SLC9C1: variants seen among roughly 807,000 people sequenced by gnomAD.
SLC9C1 encodes solute carrier family 9 member C1, also known as sodium/hydrogen exchanger 10.
Under a neutral mutation model 140.9 loss-of-function variants are expected in SLC9C1, and 97 were observed. The observed-to-expected ratio is 0.69, with a 90% CI of 0.58 to 0.82. The LOEUF is 0.82. Among genes scored for constraint, SLC9C1 ranks in the 40% least tolerant of loss-of-function variants. The probability of loss-of-function intolerance (pLI) is 0.00; values close to 1 mark genes in which losing one functional copy is unlikely to be tolerated. For synonymous variants in SLC9C1, 440 were observed against 442.6 expected (o/e 0.99, Z 0.07); for missense variants, 1,340 against 1,389.3 (o/e 0.96, Z 0.56).
intron 26 of SLC9C1, among the ~76,000 whole-genome samples, chr3:112,166,051 TC>T (rs36068427): frequency 0.4 from 60,860 of 152,018 alleles, 12,697 homozygotes; most frequent in East Asian, 0.62. Flanking sequence ...GGCTCCGTGG[TC>T]GTAGGACCCT....
intron 5 of SLC9C1, among the ~76,000 whole-genome samples, chr3:112,276,955 C>A (rs1576507140): frequency 1.3e-5 from 2 of 152,168 alleles, no homozygotes; most frequent in East Asian, 3.9e-4. Context: ...ATAGCTATTT[C>A]CCCTTTAATT....
At chr3:112,193,092 T>A (rs1467688752) in intron 20 of SLC9C1, among the ~76,000 whole-genome samples, 3 of 152,208 alleles carry the variant, frequency 2.0e-5, no homozygotes, top group African/African-American at 7.2e-5. Flanking sequence ...TTGTTCCAAC[T>A]GGAATCCATA....
chr3:112,209,040 T>C (rs575032941), intron 15 of SLC9C1, among the ~76,000 whole-genome samples: 1 of 152,214 alleles, frequency 6.6e-6, no homozygotes, highest in Non-Finnish European at 1.5e-5. Context: ...AGATTTACTT[T>C]AATATTTTAA....
At chr3:112,167,438 G>T in intron 25 of SLC9C1, 91 bp from the exon 26 acceptor site, 1 of 1,293,758 alleles carries the variant, frequency 7.7e-7, no homozygotes, top group East Asian at 2.6e-5. Flanking sequence ...GCTTTCTCTA[G>T]GTATCTGGGA....
intron 20 of SLC9C1, among the ~76,000 whole-genome samples, chr3:112,195,420 TAG>T (rs2077749045): frequency 6.6e-6 from 1 of 152,160 alleles, no homozygotes; most frequent in African/African-American, 2.4e-5. Flanking sequence ...TGTCTTTGAT[TAG>T]AGAGTTTAAT....
chr3:112,266,803 C>T (rs1010676031), intron 7 of SLC9C1, among the ~76,000 whole-genome samples: 5 of 152,110 alleles, frequency 3.3e-5, no homozygotes, highest in East Asian at 1.9e-4. Flanking sequence ...ATTCATACTT[C>T]GACTATTTCT....
In SLC9C1 at chr3:112,278,766, T is replaced by G. The variant is rs1288550440; in HGVS notation, c.281A>C (p.Asp94Ala). ...CTTTTGAAGCATGTACGTATCCATGTCAAATGCAGTAGTAAAGAAAACTAC... is the reference window on the plus strand; with the variant it reads ...CTTTTGAAGCATGTACGTATCCATGGCAAATGCAGTAGTAAAGAAAACTAC... ...TPVVFFTTAF[D>A]MDTYMLQKLF... The change falls in exon 4 of 29, where the codon GAC becomes GCC. Residue 94 changes from aspartate (D) to alanine (A), a missense_variant. Coordinates refer to ENST00000305815, the MANE Select transcript of SLC9C1 (RefSeq NM_183061.3). 4 of 1,610,672 alleles carry G rather than the reference T, an allele frequency of 2.5e-6. No homozygotes were observed. Among genetic ancestry groups the G allele is most frequent in the Non-Finnish European group, 3.4e-6 (4 of 1,178,644 alleles).
Position 112,204,228 on chromosome 3 carries a change from C to G in SLC9C1, c.2162G>C (p.Arg721Pro). The G allele has an allele frequency of 2.0e-6, 3 of 1,489,616 alleles. No individual in the cohort carries two copies. The highest frequency in any genetic ancestry group is 2.7e-6 in the Non-Finnish European group (3 of 1,125,736). 92.3% of individuals were successfully genotyped at this position (1,489,616 alleles called of 1,614,324 possible). The part of the protein sequence containing the change: ...IKVVQFFRIL[R>P]IFKLIAPKLL... ...TTACTGGTTCTTTACCTTGAAAATG[C>G]GTAGTATACGAAAAAATTGAACAAC... The change falls in exon 17 of 29, where the codon CGC (arginine) becomes CCC (proline). Residue 721 changes from arginine (R) to proline (P), a missense_variant. Physicochemically the swap from Arg to Pro is moderately radical, Grantham distance 103 (BLOSUM62 -2). Transcript: ENST00000305815.
chr3:112,234,612 T>C (rs1381668926), intron 12 of SLC9C1, among the ~76,000 whole-genome samples: 1 of 152,202 alleles, frequency 6.6e-6, no homozygotes. Context: ...TGGTTTTAGG[T>C]CTAACATTTA....
rs184302997 is a variant in SLC9C1, at chr3:112,166,286, C to T, written c.3364+935G>A. On this transcript the variant is annotated intron_variant, in intron 26 of 28. Transcript: ENST00000305815. ...CGCTGCACCCACTGTCCTGCACCCA[C>T]TTTCTGACACTCCCCAGTGAGATGA... 7.1e-4 allele frequency among the ~76,000 whole-genome samples: 108 copies of T among 152,376 alleles called. 1 individual carries two copies. The East Asian group carries it at 0.018, about 25-fold the overall frequency.
chr3:112,283,187 C>T (rs1286420461), intron 2 of SLC9C1, among the ~76,000 whole-genome samples: 3 of 152,100 alleles, frequency 2.0e-5, no homozygotes, highest in African/African-American at 7.2e-5. Flanking sequence ...GATCTGAATT[C>T]CCAAAAGAAT....
At chr3:112,147,624 C>A in intron 28 of SLC9C1, 1 of 271,438 alleles carries the variant, frequency 3.7e-6, no homozygotes, top group Non-Finnish European at 7.4e-6. Context: ...TCTCTCCTGG[C>A]TTGTAAGGTT....
rs1490861763 is a variant in SLC9C1 at position 112,167,247 on chromosome 3, T to C, written c.3338A>G (p.Lys1113Arg). ...TATTAATCCTGGTGTAAGATAACTT[T>C]TATGTTTAGGAACAAACTTTCTAAT... Reference protein sequence around the residue: ...RNIRKFVPKHKSYLTPGLIGS... With the variant: ...RNIRKFVPKHRSYLTPGLIGS... Residue 1113 changes from lysine to arginine, a missense_variant, in exon 26 of 29, where the codon AAA becomes AGA. Transcript: ENST00000305815. 12 of 1,609,634 alleles carry C rather than the reference T, an allele frequency of 7.5e-6. No individual in the cohort carries two copies. The highest frequency in any genetic ancestry group is 9.3e-6 in the Non-Finnish European group (11 of 1,178,246).
chr3:112,224,043 T>G (rs1250024884), intron 13 of SLC9C1, among the ~76,000 whole-genome samples: 1 of 152,188 alleles, frequency 6.6e-6, no homozygotes, highest in East Asian at 1.9e-4. Flanking sequence ...GAAGAGATGC[T>G]GGCTGACCAG....
At chr3:112,221,075 T>G in intron 14 of SLC9C1, 53 bp downstream of exon 14, 1 of 1,474,154 alleles carries the variant, frequency 6.8e-7, no homozygotes, top group Non-Finnish European at 9.4e-7. Flanking sequence ...ACTTGGGTAA[T>G]TTCCTAAATG....
chr3:112,274,651 C>T (rs951657299), intron 6 of SLC9C1, among the ~76,000 whole-genome samples: 1 of 152,088 alleles, frequency 6.6e-6, no homozygotes, highest in African/African-American at 2.4e-5. Context: ...TCTGGTTCAG[C>T]CCAGGCCTGT....
intron 12 of SLC9C1, among the ~76,000 whole-genome samples, chr3:112,232,964 C>CAA (rs2078867388): frequency 6.6e-6 from 1 of 150,794 alleles, no homozygotes; most frequent in East Asian, 1.9e-4. Flanking sequence ...AATAAATAAA[C>CAA]AAAGACCCCT....
intron 12 of SLC9C1, among the ~76,000 whole-genome samples, chr3:112,233,051 A>ACACACACG (rs2078871521): frequency 2.9e-5 from 1 of 34,220 alleles, no homozygotes; most frequent in Non-Finnish European, 6.9e-5. Context: ...ACACACACAC[A>ACACACACG]TATATATATA....
rs188431623 is a variant in SLC9C1, at chr3:112,278,383, G to C, written c.318+346C>G. Among the ~76,000 whole-genome samples, 627 of 152,218 alleles carry C rather than the reference G, an allele frequency of 4.1e-3. 2 individuals carry two copies. The highest frequency in any genetic ancestry group is 0.01 in the Middle Eastern group (3 of 294). On this transcript the variant is annotated intron_variant, in intron 4 of 28. Coordinates refer to ENST00000305815, the MANE Select transcript of SLC9C1 (RefSeq NM_183061.3). ...TGAATGTAGGAAGCTCTAAAACATA[G>C]GTATTTAAAACATGACTTTTCTTAG...
Sources: gnomAD v4.1 joint callset for allele counts (sites outside exome capture counted in the v4.1 genomes callset) on GRCh38, gnomAD v4.1.1 for gene constraint, MANE v1.5 for transcripts, NCBI Gene and HGNC (gene_info 2026-07-23, HGNC 2026-07-21) for gene names.